The following DTD1 variants were observed in gnomAD, a reference collection of about 807,000 sequenced individuals.
DTD1 encodes the protein D-tyrosyl-tRNA deacylase 1 homolog.
A neutral mutation model predicts 25.6 loss-of-function variants in DTD1; 13 were observed. That is an observed-to-expected ratio of 0.51 (90% confidence interval 0.33 to 0.81). The LOEUF (loss-of-function observed/expected upper bound fraction) is 0.81, where lower values mean the gene tolerates loss of function less well. Ranked by LOEUF, DTD1 falls within the 30% of genes least tolerant of loss-of-function variation. The probability of loss-of-function intolerance (pLI) is 0.02; values close to 1 mark genes in which losing one functional copy is unlikely to be tolerated. For synonymous variants in DTD1, 110 were observed against 103.6 expected (o/e 1.06, Z -0.37); for missense variants, 193 against 266.4 (o/e 0.72, Z 1.92).
At chr20:18,668,790 A>G (rs768081408) in intron 4 of DTD1, among the ~76,000 whole-genome samples, 2 of 152,226 alleles carry the variant, frequency 1.3e-5, no homozygotes, top group Non-Finnish European at 2.9e-5. Context: ...AAATAGCTTA[A>G]CTTGCCCTTT....
At position 18,763,901 on chromosome 20, in the gene DTD1, CT is replaced by C. The variant is rs1718614210; in HGVS notation, c.*564del. On this transcript the variant is annotated 3_prime_UTR_variant, in exon 6 of 6. Transcript: ENST00000377452. ...TAAAATCCTAAATCTCAACAAACCACTTTATTATCAAACAAATTCTGCTCTG... is the reference window on the plus strand; with the variant it reads ...TAAAATCCTAAATCTCAACAAACCACTTATTATCAAACAAATTCTGCTCTG... 2 of 152,224 alleles carry C rather than the reference CT, an allele frequency of 1.3e-5. No individual in the cohort carries two copies. Among genetic ancestry groups the C allele is most frequent in the South Asian group, 2.1e-4 (1 of 4,836 alleles). The allele number at this position is 152,224 out of a possible 1,614,324, so 9.4% of individuals were successfully genotyped here.
intron 5 of DTD1, among the ~76,000 whole-genome samples, chr20:18,753,807 A>G (rs966625703): frequency 6.6e-6 from 1 of 152,090 alleles, no homozygotes; most frequent in Non-Finnish European, 1.5e-5. Flanking sequence ...TTAGGAAATC[A>G]TTCTTTTCAT....
intron 4 of DTD1, among the ~76,000 whole-genome samples, chr20:18,713,208 G>A (rs1365657502): frequency 6.6e-6 from 1 of 152,242 alleles, no homozygotes; most frequent in Non-Finnish European, 1.5e-5. Context: ...TGTTCTTTCT[G>A]TCTAGTGTGT....
At chr20:18,665,238 G>T (rs2122379442) in intron 4 of DTD1, among the ~76,000 whole-genome samples, 1 of 152,292 alleles carries the variant, frequency 6.6e-6, no homozygotes, top group East Asian at 1.9e-4. Flanking sequence ...GGGCCAGGGG[G>T]TCTTGGCAGT....
intron 4 of DTD1, among the ~76,000 whole-genome samples, chr20:18,732,407 A>G (rs1183358274): frequency 3.9e-5 from 6 of 152,196 alleles, no homozygotes; most frequent in Non-Finnish European, 7.3e-5. Context: ...TCTAAAGTTG[A>G]TGTAGAATCA....
intron 4 of DTD1, among the ~76,000 whole-genome samples, chr20:18,673,006 C>A (rs1450672949): frequency 6.6e-6 from 1 of 152,168 alleles, no homozygotes; most frequent in African/African-American, 2.4e-5. Context: ...ATACTGAGCA[C>A]GGTGGTGGCT....
chr20:18,649,560 A>C (rs2060865548), intron 4 of DTD1, among the ~76,000 whole-genome samples: 1 of 151,734 alleles, frequency 6.6e-6, no homozygotes, highest in South Asian at 2.1e-4. Context: ...GATGGTCTCA[A>C]TCTCCTGACC....
rs73899881 is a variant in DTD1, at chr20:18,743,014, C to T, written c.478-1086C>T. Among the ~76,000 whole-genome samples, 701 of 152,304 alleles carry T rather than the reference C, an allele frequency of 4.6e-3. 5 individuals carry two copies. The highest frequency in any genetic ancestry group is 0.016 in the African/African-American group (670 of 41,582). On this transcript the variant is annotated intron_variant, in intron 4 of 5. Transcript: ENST00000377452. Reference sequence around the variant, plus strand: ...TGTGTTTTTTGGTCTAAGAAAATTCCGTGGTTCAAAACTTGGCCGGTCTTC... The same window carrying T: ...TGTGTTTTTTGGTCTAAGAAAATTCTGTGGTTCAAAACTTGGCCGGTCTTC...
At chr20:18,589,242 T>G (rs2060579324) in intron 1 of DTD1, among the ~76,000 whole-genome samples, 1 of 109,888 alleles carries the variant, frequency 9.1e-6, no homozygotes, top group Non-Finnish European at 2.0e-5. Context: ...TCCCAGCTAC[T>G]CGGGAGGCTG....
chr20:18,646,567 A>G (rs775259630), intron 4 of DTD1, among the ~76,000 whole-genome samples: 1 of 152,210 alleles, frequency 6.6e-6, no homozygotes, highest in Non-Finnish European at 1.5e-5. Flanking sequence ...CAGGACTCCT[A>G]CTAAGTGACT....
intron 4 of DTD1, among the ~76,000 whole-genome samples, chr20:18,742,790 G>A (rs2061283729): frequency 6.6e-6 from 1 of 152,130 alleles, no homozygotes; most frequent in Non-Finnish European, 1.5e-5. Context: ...TCTCTCGAAG[G>A]GTTAACTCAA....
intron 5 of DTD1, among the ~76,000 whole-genome samples, chr20:18,751,685 G>T (rs1439940375): frequency 6.6e-6 from 1 of 151,958 alleles, no homozygotes; most frequent in Non-Finnish European, 1.5e-5. Context: ...GTAGAGATAG[G>T]GTTTTAACAT....
intron 4 of DTD1, among the ~76,000 whole-genome samples, chr20:18,651,555 C>T (rs1034716276): frequency 1.3e-5 from 2 of 152,192 alleles, no homozygotes; most frequent in African/African-American, 4.8e-5. Context: ...TTTGTCTTAA[C>T]GCTCTCATGA....
chr20:18,731,477 G>A (rs1037842573), intron 4 of DTD1, among the ~76,000 whole-genome samples: 4 of 152,198 alleles, frequency 2.6e-5, no homozygotes, highest in Admixed American at 6.5e-5. Flanking sequence ...ACCTGAAGGT[G>A]TATAATGAAA....
At chr20:18,686,676 G>GGT (rs1555800522) in intron 4 of DTD1, among the ~76,000 whole-genome samples, 3 of 136,594 alleles carry the variant, frequency 2.2e-5, no homozygotes, top group Admixed American at 7.4e-5. Context: ...GTGTGTGTGT[G>GGT]GTGTGTGTGT....
intron 2 of DTD1, 81 bp from the exon 3 acceptor site, chr20:18,595,925 C>A: frequency 8.2e-7 from 1 of 1,215,164 alleles, no homozygotes; most frequent in Non-Finnish European, 1.2e-6. Flanking sequence ...TGACCGGAAG[C>A]TGGTGACATT....
intron 5 of DTD1, among the ~76,000 whole-genome samples, chr20:18,761,036 T>C (rs367802644): frequency 4.6e-5 from 7 of 152,194 alleles, no homozygotes; most frequent in East Asian, 3.9e-4. Flanking sequence ...CTCAGAGCCA[T>C]GCGCGGGATA....
In DTD1 at chr20:18,749,042, G is replaced by A. The variant is rs1471457585; in HGVS notation, c.*19+4771G>A. 6.6e-6 allele frequency among the ~76,000 whole-genome samples: 1 copy of A among 152,214 alleles called. No individual in the cohort carries two copies. Among genetic ancestry groups the A allele is most frequent in the Non-Finnish European group, 1.5e-5 (1 of 68,034 alleles). On this transcript the variant is annotated intron_variant, in intron 5 of 5. Coordinates refer to ENST00000377452, the MANE Select transcript of DTD1 (RefSeq NM_080820.6). This position sits in a 1 kb window ranked among gnomAD's most constrained non-coding sequence, Gnocchi z 4.2. ...AAGAGGAGGAAGAGGGCAATGGAGG[G>A]AAGTTCCTGGCTGGCCTCAGCCTTC...
At chr20:18,743,822 T>C (rs2061288910) in intron 4 of DTD1, among the ~76,000 whole-genome samples, 1 of 152,220 alleles carries the variant, frequency 6.6e-6, no homozygotes, top group Non-Finnish European at 1.5e-5. Context: ...AAGAAGGCTG[T>C]GGCATGACCG....
Sources: allele counts gnomAD v4.1 joint callset (sites outside exome capture counted in the v4.1 genomes callset), GRCh38; gene constraint gnomAD v4.1.1; non-coding constraint Gnocchi (gnomAD v3.1); transcripts MANE v1.5; gene names NCBI Gene and HGNC (gene_info 2026-07-23, HGNC 2026-07-21).